The following ADGB variants were observed in gnomAD, a reference collection of about 807,000 sequenced individuals.
ADGB encodes androglobin.
A neutral mutation model predicts 210.5 loss-of-function variants in ADGB; 172 were observed. The ratio of observed to expected loss-of-function variants is 0.82; its 90% CI spans 0.72 to 0.93. ADGB has a LOEUF of 0.93. ADGB is among the 40% of genes least tolerant of loss of function. The pLI is 0.00. For synonymous variants in ADGB, 658 were observed against 662.7 expected (o/e 0.99, Z 0.11); for missense variants, 2,025 against 1,964.8 (o/e 1.03, Z -0.58).
intron 18 of ADGB, 177 bp from the exon 19 acceptor site, chr6:146,725,906 C>T (rs867112220): frequency 6.4e-6 from 3 of 466,502 alleles, no homozygotes; most frequent in Non-Finnish European, 1.2e-5. Flanking sequence ...ATTTCATGAT[C>T]CCGTAGGGTT....
chr6:146,668,023 A>T (rs901450284), intron 7 of ADGB, among the ~76,000 whole-genome samples: 3 of 152,104 alleles, frequency 2.0e-5, no homozygotes, highest in Admixed American at 2.0e-4. Context: ...GTCCAAAAAT[A>T]GCTATTAGGT....
intron 9 of ADGB, among the ~76,000 whole-genome samples, chr6:146,683,052 A>G (rs1274133990): frequency 6.6e-6 from 1 of 152,010 alleles, no homozygotes; most frequent in Non-Finnish European, 1.5e-5. Context: ...TAGGTATCCC[A>G]GGTGTGGGTT....
At chr6:146,599,196 C>T in intron 1 of ADGB, 82 bp downstream of exon 1, 1 of 1,303,694 alleles carries the variant, frequency 7.7e-7, no homozygotes, top group Non-Finnish European at 1.1e-6. Flanking sequence ...CTCCCTGCAG[C>T]AAACTGTGCC....
At position 146,764,065 on chromosome 6, in the gene ADGB, C is replaced by T. The variant is rs1334088331; in HGVS notation, c.3715C>T (p.Pro1239Ser). Reference sequence around the variant, plus strand: ...TGTGGAGGAGGAAACTACCAGTACACCCACTAGAGAAGACAGTTCCAGCAC... The same window carrying T: ...TGTGGAGGAGGAAACTACCAGTACATCCACTAGAGAAGACAGTTCCAGCAC... ...PLVEEETTST[P>S]TREDSSSTPL... Residue 1239 changes from proline (P) to serine (S), a missense_variant, in exon 28 of 36, where the codon CCC becomes TCC. Physicochemically the swap from Pro to Ser is moderately conservative, Grantham distance 74. Transcript: ENST00000397944. 3 of 1,550,932 alleles carry T rather than the reference C, an allele frequency of 1.9e-6. No individual in the cohort carries two copies. The African/African-American group carries it at 4.1e-5, about 21-fold the overall frequency.
At chr6:146,603,253 A>G (rs1412179873) in intron 1 of ADGB, among the ~76,000 whole-genome samples, 2 of 152,240 alleles carry the variant, frequency 1.3e-5, no homozygotes, top group East Asian at 1.9e-4. Flanking sequence ...TTGAAAACTA[A>G]TAAGTGCTAC....
intron 13 of ADGB, among the ~76,000 whole-genome samples, chr6:146,703,746 A>G (rs191061880): frequency 5.9e-5 from 9 of 152,062 alleles, no homozygotes; most frequent in Admixed American, 5.9e-4. Flanking sequence ...GGCTTTGTGA[A>G]TAATGCTATA....
intron 2 of ADGB, among the ~76,000 whole-genome samples, chr6:146,641,405 C>T (rs1343702786): frequency 6.6e-6 from 1 of 151,416 alleles, no homozygotes; most frequent in African/African-American, 2.4e-5. Flanking sequence ...CTATTTTAAA[C>T]TTCATGTGGA....
intron 9 of ADGB, among the ~76,000 whole-genome samples, chr6:146,684,201 G>A (rs996093387): frequency 5.3e-5 from 8 of 152,008 alleles, no homozygotes; most frequent in African/African-American, 1.9e-4. Flanking sequence ...ACAGCCAACT[G>A]CTTAATCTTG....
chr6:146,810,139 T>C (rs889875586), intron 35 of ADGB, among the ~76,000 whole-genome samples: 12 of 152,154 alleles, frequency 7.9e-5, no homozygotes, highest in African/African-American at 2.9e-4. Context: ...GTTTTAAAAA[T>C]GGGCAAAGGA....
intron 29 of ADGB, among the ~76,000 whole-genome samples, chr6:146,781,659 C>T (rs1272633066): frequency 2.0e-5 from 3 of 151,980 alleles, no homozygotes; most frequent in Non-Finnish European, 4.4e-5. Flanking sequence ...ATAAAGATTA[C>T]AGCAGAGGTA....
intron 1 of ADGB, among the ~76,000 whole-genome samples, chr6:146,605,877 A>G (rs1333697716): frequency 6.6e-6 from 1 of 152,184 alleles, no homozygotes; most frequent in African/African-American, 2.4e-5. Context: ...TAGTGCTACA[A>G]TGAATATACA....
chr6:146,629,992 T>C (rs2114852775), intron 1 of ADGB, among the ~76,000 whole-genome samples: 1 of 152,268 alleles, frequency 6.6e-6, no homozygotes, highest in Non-Finnish European at 1.5e-5. Flanking sequence ...ATCCCAGCAC[T>C]TTGGGAGGCT....
At chr6:146,670,306 A>G (rs1243332374) in intron 7 of ADGB, among the ~76,000 whole-genome samples, 2 of 152,150 alleles carry the variant, frequency 1.3e-5, no homozygotes, top group African/African-American at 4.8e-5. Context: ...ATCCTCAGAG[A>G]TCTACACTGT....
intron 30 of ADGB, 90 bp from the exon 31 acceptor site, chr6:146,784,528 C>T: frequency 3.0e-6 from 3 of 996,706 alleles, no homozygotes; most frequent in Admixed American, 3.5e-5. Context: ...TAGTAAATAC[C>T]TAATAGTGAA....
At chr6:146,664,082 T>C (rs1775903927) in intron 5 of ADGB, 119 bp from the exon 6 acceptor site, 2 of 974,062 alleles carry the variant, frequency 2.1e-6, no homozygotes, top group African/African-American at 3.3e-5. Flanking sequence ...TCTTTCAGTG[T>C]AAGATGCTAA....
Position 146,598,979 on chromosome 6 carries a change from G to A in ADGB, c.-62G>A, listed in dbSNP as rs1053908670. ...GCCGTCTCCTGGCAACGCAGACGCG[G>A]AGCCGAGCGCGCCCGCAGGCTCTTT... is the stretch of plus-strand genomic sequence containing the variant. On this transcript the variant is annotated 5_prime_UTR_variant, in exon 1 of 36. Transcript: ENST00000397944. 21 of 1,449,148 alleles carry A rather than the reference G, an allele frequency of 1.4e-5. No individual in the cohort carries two copies. The highest frequency in any genetic ancestry group is 1.8e-5 in the Non-Finnish European group (19 of 1,055,346). The allele number at this position is 1,449,148 out of a possible 1,614,324, so 89.8% of individuals were successfully genotyped here. A position where few individuals can be genotyped will look rare whatever the true frequency, so the allele number is the denominator to read the frequency against.
chr6:146,633,868 T>C (rs1320383620), intron 1 of ADGB, among the ~76,000 whole-genome samples: 1 of 138,876 alleles, frequency 7.2e-6, no homozygotes, highest in Non-Finnish European at 1.6e-5. Context: ...TAATTTATTA[T>C]TGAAGAAAGA....
rs1458595525 is a variant in ADGB, at chr6:146,677,478, G to A, written c.1216+1037G>A. Among the ~76,000 whole-genome samples, 3 of 152,080 alleles carry A rather than the reference G, an allele frequency of 2.0e-5. No homozygotes were observed. In the East Asian group the frequency reaches 5.8e-4, roughly 29 times the overall value. On this transcript the variant is annotated intron_variant, in intron 9 of 35. Transcript: ENST00000397944. ...TTATTTTTACTGAAACATGTCTAGTGATGTGGATAGAAAAAAGTCACTATT... is the reference window on the plus strand; with the variant it reads ...TTATTTTTACTGAAACATGTCTAGTAATGTGGATAGAAAAAAGTCACTATT...
At chr6:146,737,360 A>G (rs1777094982) in intron 23 of ADGB, among the ~76,000 whole-genome samples, 1 of 152,212 alleles carries the variant, frequency 6.6e-6, no homozygotes, top group African/African-American at 2.4e-5. Context: ...ACTGGGTAAT[A>G]TGTCAATAAA....
Sources: allele counts gnomAD v4.1 joint callset (sites outside exome capture counted in the v4.1 genomes callset), GRCh38; gene constraint gnomAD v4.1.1; transcripts MANE v1.5; gene names NCBI Gene and HGNC (gene_info 2026-07-23, HGNC 2026-07-21).